Variants in SYNE2 observed in about 807,000 individuals in gnomAD.
The protein encoded by SYNE2 is spectrin repeat containing nuclear envelope protein 2.
Under a neutral mutation model 856.3 loss-of-function variants are expected in SYNE2, and 431 were observed. The ratio of observed to expected loss-of-function variants is 0.50; its 90% CI spans 0.47 to 0.55. SYNE2 has a LOEUF of 0.55. Among genes scored for constraint, SYNE2 ranks in the 20% least tolerant of loss-of-function variants. The probability of loss-of-function intolerance (pLI) is 0.00; values close to 1 mark genes in which losing one functional copy is unlikely to be tolerated. For synonymous variants in SYNE2, 2,923 were observed against 2,872.3 expected, an observed-to-expected ratio of 1.02 and a Z score of -0.56; for missense variants, 8,129 against 8,023.2, an observed-to-expected ratio of 1.01 and a Z score of -0.50.
Position 64,221,407 on chromosome 14 carries a change from T to C in SYNE2, c.20062-169T>C, listed in dbSNP as rs529898125. The C allele has an allele frequency of 1.8e-5, 22 of 1,217,564 alleles. No individual in the cohort carries two copies. In the African/African-American group the frequency reaches 2.5e-4, roughly 14 times the overall value. The allele number at this position is 1,217,564 out of a possible 1,614,324, so 75.4% of individuals were successfully genotyped here. On this transcript the variant is annotated intron_variant, in intron 111 of 115. Transcript: ENST00000555002. ...GCTGAGTGTCTTCCTTCTTTCCTCTTCCTCATTTTGGGGCCCTGGCATTTA... is the reference window on the plus strand; with the variant it reads ...GCTGAGTGTCTTCCTTCTTTCCTCTCCCTCATTTTGGGGCCCTGGCATTTA...
chr14:63,948,798 A>G (rs764515356), intron 6 of SYNE2, among the ~76,000 whole-genome samples: 1,363 of 88,270 alleles, frequency 0.015, 96 homozygotes, highest in African/African-American at 0.029. Flanking sequence ...ATATATATAT[A>G]TATATATATA....
intron 45 of SYNE2, among the ~76,000 whole-genome samples, chr14:64,041,690 A>T (rs554246845): frequency 6.6e-6 from 1 of 152,040 alleles, no homozygotes; most frequent in African/African-American, 2.4e-5. Flanking sequence ...TCTAGAAAAA[A>T]ATTTTTTAAA....
At chr14:63,840,807 G>C (rs1890042851) in intron 1 of SYNE2, among the ~76,000 whole-genome samples, 1 of 152,156 alleles carries the variant, frequency 6.6e-6, no homozygotes, top group Non-Finnish European at 1.5e-5. Flanking sequence ...GAGGTCGGGA[G>C]TTTGAGACCA....
chr14:63,935,897 C>T lies in SYNE2; in HGVS notation c.80-4717C>T, dbSNP rs144773518. On this transcript the variant is annotated intron_variant, in intron 2 of 115. Coordinates refer to ENST00000555002, the MANE Select transcript of SYNE2 (RefSeq NM_182914.3). ...AACATTATTATTATTATTATTGAGA[C>T]GGAGTCTCGCTCTGTCACCCGGGCT... is the stretch of plus-strand genomic sequence containing the variant. Among the ~76,000 whole-genome samples the T allele has an allele frequency of 5.9e-3, 896 of 152,178 alleles. 10 individuals carry two copies. Among genetic ancestry groups the T allele is most frequent in the African/African-American group, 0.02 (826 of 41,542 alleles).
At chr14:63,842,853 C>T (rs1055496484) in intron 1 of SYNE2, among the ~76,000 whole-genome samples, 1 of 152,024 alleles carries the variant, frequency 6.6e-6, no homozygotes, top group Non-Finnish European at 1.5e-5. Context: ...TCAGGGTTAC[C>T]ATTGTGTCTT....
rs1381818927 is a variant in SYNE2 at position 64,093,376 on chromosome 14, G to T, written c.12004G>T (p.Asp4002Tyr). ...AGTCATAAAACAGACCAATGAATGG[G>T]ATGAAGAAATAGAAAATTTGAAACA... is the stretch of plus-strand genomic sequence containing the variant. The part of the protein sequence containing the change: ...KVVIKQTNEW[D>Y]EEIENLKQIL... Residue 4002 changes from aspartate (D) to tyrosine (Y), a missense_variant, in exon 61 of 116, where the codon GAT becomes TAT. Coordinates refer to ENST00000555002, the MANE Select transcript of SYNE2 (RefSeq NM_182914.3). The T allele has an allele frequency of 1.9e-6, 3 of 1,614,042 alleles. No individual in the cohort carries two copies. In the Admixed American group the frequency reaches 5.0e-5, roughly 27 times the overall value.
At position 64,016,523 on chromosome 14, in the gene SYNE2, G is replaced by C. The variant is rs928624587; in HGVS notation, c.4779G>C (p.Lys1593Asn). 2 of 1,603,198 alleles carry C rather than the reference G, an allele frequency of 1.2e-6. No homozygotes were observed. The change falls in exon 33 of 116, where the codon AAG (lysine) becomes AAC (asparagine). Residue 1593 changes from lysine (K) to asparagine (N), a missense_variant. By Grantham distance (94) the Lys-to-Asn change is moderately conservative (BLOSUM62 0). This residue lies in a region of SYNE2 where 2,422 missense variants were observed against 2,357.4 expected (regional missense o/e 1.03). Coordinates refer to ENST00000555002, the MANE Select transcript of SYNE2 (RefSeq NM_182914.3). ...EFNEHLEVVD[K>N]INQVCKNLQF... ...ATGAGCATTTAGAAGTTGTAGACAA[G>C]ATAAACCAGGTCTGCAAAAATCTAC...
In SYNE2 at chr14:63,961,544, T is replaced by C; in HGVS notation, c.807T>C (p.Pro269=). Residue 269 remains proline (P), a synonymous_variant, in exon 9 of 116, where the codon CCT becomes CCC. Coordinates refer to ENST00000555002, the MANE Select transcript of SYNE2 (RefSeq NM_182914.3). The part of the protein sequence containing the change: ...LEPEDVDVVD[P]DEKSIMTYVA... ...TTGCAGATGTGGATGTTGTTGATCC[T>C]GATGAAAAGTCCATCATGACCTATG... 1 of 1,613,956 alleles carries C rather than the reference T, an allele frequency of 6.2e-7. No individual in the cohort carries two copies. Among genetic ancestry groups the C allele is most frequent in the Non-Finnish European group, 8.5e-7 (1 of 1,179,876 alleles).
chr14:63,905,018 T>C (rs973345412), intron 1 of SYNE2, among the ~76,000 whole-genome samples: 24 of 152,342 alleles, frequency 1.6e-4, no homozygotes, highest in African/African-American at 5.8e-4. Context: ...AGTTTCATTC[T>C]TCAGCATATG....
chr14:64,218,610 T>A, intron 109 of SYNE2, 98 bp downstream of exon 109: 1 of 1,181,050 alleles, frequency 8.5e-7, no homozygotes, highest in South Asian at 1.3e-5. Context: ...ACTATACGAT[T>A]CGCCAGAACT....
At chr14:63,956,788 A>G (rs888451661) in intron 8 of SYNE2, among the ~76,000 whole-genome samples, 5 of 152,198 alleles carry the variant, frequency 3.3e-5, no homozygotes, top group African/African-American at 9.7e-5. Context: ...AACTATTTAC[A>G]TAGCATTTAC....
At chr14:64,055,367 C>CTTT (rs35956880) in intron 48 of SYNE2, among the ~76,000 whole-genome samples, 12 of 131,916 alleles carry the variant, frequency 9.1e-5, no homozygotes, top group African/African-American at 2.0e-4. Flanking sequence ...CTGAAAATAA[C>CTTT]TTTTTTTTTT....
intron 11 of SYNE2, among the ~76,000 whole-genome samples, chr14:63,974,452 G>C (rs2096512585): frequency 6.6e-6 from 1 of 152,070 alleles, no homozygotes. Flanking sequence ...AGCACTCATG[G>C]GAACTCAGCT....
intron 1 of SYNE2, among the ~76,000 whole-genome samples, chr14:63,806,780 C>T (rs1426814413): frequency 1.3e-5 from 2 of 151,116 alleles, no homozygotes; most frequent in Non-Finnish European, 2.9e-5. Flanking sequence ...TTAATGTCTC[C>T]GTTGTCATTT....
At chr14:64,146,814 G>A (rs915260050) in intron 84 of SYNE2, among the ~76,000 whole-genome samples, 4 of 152,178 alleles carry the variant, frequency 2.6e-5, no homozygotes, top group South Asian at 2.1e-4. Context: ...CTCTGCCATC[G>A]CCATCACGGC....
intron 57 of SYNE2, among the ~76,000 whole-genome samples, chr14:64,083,285 CA>C (rs1227753961): frequency 2.6e-5 from 4 of 151,742 alleles, no homozygotes; most frequent in Non-Finnish European, 5.9e-5. Context: ...TCCACATCCC[CA>C]AAGTTTGTCA....
chr14:64,049,543 A>G, intron 46 of SYNE2, 68 bp from the exon 47 acceptor site: 2 of 1,540,842 alleles, frequency 1.3e-6, no homozygotes, highest in Non-Finnish European at 8.9e-7. Context: ...CAAAGAGGAA[A>G]GAAGATGAAT....
chr14:64,140,364 G>A lies in SYNE2; in HGVS notation c.14976+291G>A, dbSNP rs538100374. Among the ~76,000 whole-genome samples the A allele has an allele frequency of 4.6e-5, 7 of 152,314 alleles. No homozygotes were observed. In the East Asian group the frequency reaches 1.3e-3, roughly 29 times the overall value. ...TTTGGGAGGCTGAGGCAGTGGATCAGCTGAGATCGGGATTTCGATACCAGC... is the reference window on the plus strand; with the variant it reads ...TTTGGGAGGCTGAGGCAGTGGATCAACTGAGATCGGGATTTCGATACCAGC... On this transcript the variant is annotated intron_variant, in intron 80 of 115. Coordinates refer to ENST00000555002, the MANE Select transcript of SYNE2 (RefSeq NM_182914.3).
Position 63,978,853 on chromosome 14 carries a change from A to G in SYNE2, c.1408A>G (p.Ile470Val). The G allele has an allele frequency of 6.2e-7, 1 of 1,611,820 alleles. No homozygotes were observed. The highest frequency in any genetic ancestry group is 8.5e-7 in the Non-Finnish European group (1 of 1,178,528). The change falls in exon 14 of 116, where the codon ATC becomes GTC. Residue 470 changes from isoleucine (I) to valine (V), a missense_variant and splice_region_variant. By Grantham distance (29) the Ile-to-Val change is conservative (BLOSUM62 3). This residue lies in a region of SYNE2 where 2,422 missense variants were observed against 2,357.4 expected (regional missense o/e 1.03). Transcript: ENST00000555002. ...TCCAAAACCTGCACTGTTTTCCAGA[A>G]TCAACAACATTTTGGAGAAAAAATT... ...PNKLEEMKRRINNILEKKFIL... is the reference protein window; with the variant it reads ...PNKLEEMKRRVNNILEKKFIL...
Sources: allele counts gnomAD v4.1 joint callset (sites outside exome capture counted in the v4.1 genomes callset), GRCh38; gene constraint gnomAD v4.1.1; regional missense constraint gnomAD v4.1.1; transcripts MANE v1.5; gene names NCBI Gene and HGNC (gene_info 2026-07-23, HGNC 2026-07-21).